RIOK1: variants seen among roughly 807,000 people sequenced by gnomAD.
The protein encoded by RIOK1 is RIO kinase 1.
RIOK1 carries 66 observed loss-of-function variants against 73.5 expected under a neutral mutation model. The observed-to-expected ratio is 0.90, with a 90% CI of 0.74 to 1.10. RIOK1 has a LOEUF of 1.10. Ranked by LOEUF, RIOK1 falls within the 50% of genes least tolerant of loss-of-function variation. The pLI is 0.00. For missense variants in RIOK1, 658 were observed against 699.8 expected (o/e 0.94, Z 0.67); for synonymous variants, 224 against 226.8 (o/e 0.99, Z 0.11).
At chr6:7,411,041 A>T (rs1761872671) in intron 13 of RIOK1, among the ~76,000 whole-genome samples, 1 of 152,208 alleles carries the variant, frequency 6.6e-6, no homozygotes, top group African/African-American at 2.4e-5. Flanking sequence ...TTTTGGAACA[A>T]AAATGAAGGA....
chr6:7,402,017 A>AT (rs1236685570), intron 6 of RIOK1, among the ~76,000 whole-genome samples: 1 of 152,162 alleles, frequency 6.6e-6, no homozygotes, highest in African/African-American at 2.4e-5. Context: ...ATTATTTTGC[A>AT]TATACTTGAG....
At position 7,414,359 on chromosome 6, in the gene RIOK1, AAC is replaced by A; in HGVS notation, c.1570_1571del (p.Thr524HisfsTer4). 6.2e-7 allele frequency: 1 copy of A among 1,612,074 alleles called. No individual in the cohort carries two copies. The highest frequency in any genetic ancestry group is 8.5e-7 in the Non-Finnish European group (1 of 1,179,472). ...CAGGGAGACCATGCCCGCCCCAAGA[AAC>A]ACACCACGGACCCTGACATTGATAA... On this transcript the variant is annotated frameshift_variant, in exon 16 of 17. Transcript: ENST00000379834. LOFTEE classifies it high-confidence loss of function.
Position 7,402,713 on chromosome 6 carries a change from C to T in RIOK1, c.684C>T (p.Phe228=). The T allele has an allele frequency of 1.2e-6, 2 of 1,607,590 alleles. No homozygotes were observed. Among genetic ancestry groups the T allele is most frequent in the Non-Finnish European group, 1.7e-6 (2 of 1,176,664 alleles). The change falls in exon 7 of 17, where the codon TTC becomes TTT. Residue 228 remains phenylalanine (F), a splice_region_variant and synonymous_variant. Coordinates refer to ENST00000379834, the MANE Select transcript of RIOK1 (RefSeq NM_031480.3). ...GGGATAAATATGTAAGTGGAGAATT[C>T]AGGTAAGTTCAGATTTTTCCCTCCA... ...KDRDKYVSGE[F]RFRHGYCKGN... is the part of the protein sequence containing the mutation.
chr6:7,417,712 T>C lies in RIOK1; in HGVS notation c.*271T>C. On this transcript the variant is annotated 3_prime_UTR_variant, in exon 17 of 17. Coordinates refer to ENST00000379834, the MANE Select transcript of RIOK1 (RefSeq NM_031480.3). The stretch of plus-strand genomic sequence containing the variant: ...CTTTGTACATTTTTATTTTTATATT[T>C]TTTTCTCTTACAAATATGTTTTTGG... The C allele has an allele frequency of 4.8e-6, 1 of 210,396 alleles. No individual in the cohort carries two copies. The highest frequency in any genetic ancestry group is 9.9e-6 in the Non-Finnish European group (1 of 100,674). The allele number at this position is 210,396 out of a possible 1,614,324, so 13.0% of individuals were successfully genotyped here.
rs375995414 is a variant in RIOK1, at chr6:7,395,169, G to A, written c.367+26G>A. On this transcript the variant is annotated intron_variant, in intron 3 of 16. Transcript: ENST00000379834. ...GTGAGTTTACAAAATACATCACTGG[G>A]CTAAGAGGACATTTTTCAAAAACCA... is the stretch of plus-strand genomic sequence containing the variant. The A allele has an allele frequency of 1.1e-5, 18 of 1,593,720 alleles. No individual in the cohort carries two copies. The African/African-American group carries it at 1.6e-4, about 14-fold the overall frequency.
In RIOK1 at chr6:7,390,090, T is replaced by C; in HGVS notation, c.71+17T>C. ...CTCTGACAGGTAGGCGGCCGTACAG[T>C]GCCCTGGCTCTGGGTACGGCTCTCT... is the stretch of plus-strand genomic sequence containing the variant. On this transcript the variant is annotated intron_variant, in intron 1 of 16. Transcript: ENST00000379834. 1 of 1,552,928 alleles carries C rather than the reference T, an allele frequency of 6.4e-7. No individual in the cohort carries two copies. The highest frequency in any genetic ancestry group is 8.7e-7 in the Non-Finnish European group (1 of 1,147,732).
intron 9 of RIOK1, 72 bp from the exon 10 acceptor site, chr6:7,404,346 G>A: frequency 6.6e-7 from 1 of 1,524,920 alleles, no homozygotes; most frequent in South Asian, 1.2e-5. Context: ...AGAAGAGAAG[G>A]GCATGTAACA....
chr6:7,393,250 G>A lies in RIOK1; in HGVS notation c.223G>A (p.Gly75Arg), dbSNP rs1761386973. 1 of 1,613,876 alleles carries A rather than the reference G, an allele frequency of 6.2e-7. No individual in the cohort carries two copies. Among genetic ancestry groups the A allele is most frequent in the African/African-American group, 1.3e-5 (1 of 74,868 alleles). Residue 75 changes from glycine (G) to arginine (R), a missense_variant, in exon 2 of 17, where the codon GGA (glycine) becomes AGA (arginine). Gly to Arg is a moderately radical substitution (Grantham distance 125). Transcript: ENST00000379834. ...TGATGATGACTGGGACTGGGATGAA[G>A]GAGTTGGAAAACTCGCCAAGGGTTA... The part of the protein sequence containing the change: ...DDDDDWDWDE[G>R]VGKLAKGYVW...
Position 7,412,931 on chromosome 6 carries a change from G to A in RIOK1, c.1432G>A (p.Gly478Arg). Residue 478 changes from glycine to arginine, a missense_variant, in exon 15 of 17, where the codon GGA becomes AGA. Transcript: ENST00000379834. ...TVTGLKKDLS[G>R]VQKVPALLEN... Reference sequence around the variant, plus strand: ...TACAGGATTGAAGAAAGATTTGTCAGGAGTTCAGAAGGTATGAAGAACATG... The same window carrying A: ...TACAGGATTGAAGAAAGATTTGTCAAGAGTTCAGAAGGTATGAAGAACATG... 6.4e-7 allele frequency: 1 copy of A among 1,561,046 alleles called. No homozygotes were observed. Among genetic ancestry groups the A allele is most frequent in the East Asian group, 2.4e-5 (1 of 42,324 alleles).
chr6:7,400,466 A>G (rs897787270), intron 5 of RIOK1, among the ~76,000 whole-genome samples: 2 of 152,212 alleles, frequency 1.3e-5, no homozygotes, highest in African/African-American at 4.8e-5. Flanking sequence ...TTTAAATGCA[A>G]AAGACACCGG....
At chr6:7,410,939 TC>T (rs1157180566) in intron 13 of RIOK1, among the ~76,000 whole-genome samples, 1 of 152,208 alleles carries the variant, frequency 6.6e-6, no homozygotes, top group African/African-American at 2.4e-5. Flanking sequence ...TCCACCTTTT[TC>T]ACTGTAGCAG....
chr6:7,392,212 C>T (rs1389225689), intron 1 of RIOK1, among the ~76,000 whole-genome samples: 1 of 146,076 alleles, frequency 6.8e-6, no homozygotes, highest in Non-Finnish European at 1.5e-5. Context: ...AAATTAAGAT[C>T]TGGTAACACT....
chr6:7,395,233 G>T, intron 3 of RIOK1, 90 bp downstream of exon 3: 1 of 1,440,690 alleles, frequency 6.9e-7, no homozygotes. Flanking sequence ...AGAAATGAAG[G>T]CTGGCCGTGG....
chr6:7,415,705 C>T (rs981069567), intron 16 of RIOK1, among the ~76,000 whole-genome samples: 4 of 152,186 alleles, frequency 2.6e-5, no homozygotes, highest in Non-Finnish European at 5.9e-5. Context: ...ATGAGTGCCA[C>T]CAGGCCATTT....
Position 7,411,430 on chromosome 6 carries a change from C to A in RIOK1, c.1368C>A (p.Ala456=). The part of the protein sequence containing the change: ...IIMKLKEEDM[A]MNAQQDNILY... ...TGAAATTGAAGGAAGAGGACATGGC[C>A]ATGAATGCCCAACAAGATAATGTAA... is the stretch of plus-strand genomic sequence containing the variant. The change falls in exon 14 of 17, where the codon GCC becomes GCA. Residue 456 remains alanine (A), a synonymous_variant. Transcript: ENST00000379834. The A allele has an allele frequency of 6.2e-7, 1 of 1,613,976 alleles. No individual in the cohort carries two copies. Among genetic ancestry groups the A allele is most frequent in the African/African-American group, 1.3e-5 (1 of 75,018 alleles).
At chr6:7,408,585 T>A (rs1761806395) in intron 12 of RIOK1, among the ~76,000 whole-genome samples, 1 of 152,222 alleles carries the variant, frequency 6.6e-6, no homozygotes. Flanking sequence ...TATGAACTTT[T>A]ATGGAACAGG....
At chr6:7,405,790 CCT>C (rs1491162175) in intron 12 of RIOK1, among the ~76,000 whole-genome samples, 30 of 142,736 alleles carry the variant, frequency 2.1e-4, no homozygotes, top group African/African-American at 7.2e-4. Flanking sequence ...TTTTTTTTTT[CCT>C]TTTTTTTTTT....
rs1206939077 is a variant in RIOK1 at position 7,417,981 on chromosome 6, T to C, written c.*540T>C. On this transcript the variant is annotated 3_prime_UTR_variant, in exon 17 of 17. Transcript: ENST00000379834. Reference sequence around the variant, plus strand: ...ATTTGTAATGCTCTTACACTTCGTCTTTAATGTTCTTTTTGGAGTTAGGAC... The same window carrying C: ...ATTTGTAATGCTCTTACACTTCGTCCTTAATGTTCTTTTTGGAGTTAGGAC... 3 of 152,238 alleles carry C rather than the reference T, an allele frequency of 2.0e-5. No individual in the cohort carries two copies. Among genetic ancestry groups the C allele is most frequent in the Admixed American group, 6.5e-5 (1 of 15,290 alleles). 9.4% of individuals were successfully genotyped at this position (152,238 alleles called of 1,614,324 possible).
At chr6:7,415,286 C>T (rs1163715073) in intron 16 of RIOK1, among the ~76,000 whole-genome samples, 2 of 152,130 alleles carry the variant, frequency 1.3e-5, no homozygotes, top group African/African-American at 4.8e-5. Context: ...CACCTGTAGT[C>T]CCAAATACTT....
Sources: allele counts gnomAD v4.1 joint callset (sites outside exome capture counted in the v4.1 genomes callset), GRCh38; gene constraint gnomAD v4.1.1; transcripts MANE v1.5; gene names NCBI Gene and HGNC (gene_info 2026-07-23, HGNC 2026-07-21).